The following GPR137C variants were observed in gnomAD, a reference collection of about 807,000 sequenced individuals.
GPR137C encodes G protein-coupled receptor 137C.
Under a neutral mutation model 43.4 loss-of-function variants are expected in GPR137C, and 27 were observed. That is an observed-to-expected ratio of 0.62 (90% CI 0.46 to 0.86). GPR137C has a LOEUF of 0.86. Ranked by LOEUF, GPR137C falls within the 40% of genes least tolerant of loss-of-function variation. GPR137C has a pLI of 0.00. For missense variants in GPR137C, 522 were observed against 534.6 expected (o/e 0.98, Z 0.23); for synonymous variants, 285 against 226.9 (o/e 1.26, Z -2.30).
chr14:52,569,036 G>T (rs1357628400), intron 1 of GPR137C, among the ~76,000 whole-genome samples: 1 of 152,108 alleles, frequency 6.6e-6, no homozygotes, highest in Non-Finnish European at 1.5e-5. Context: ...GACACCTTAT[G>T]CAACAGGAGA....
chr14:52,571,006 A>G (rs1032487708), intron 1 of GPR137C, among the ~76,000 whole-genome samples: 1 of 152,184 alleles, frequency 6.6e-6, no homozygotes, highest in Admixed American at 6.5e-5. Context: ...ACAGCTACAG[A>G]ATTCTCCACC....
At chr14:52,565,946 T>C (rs760586392) in intron 1 of GPR137C, among the ~76,000 whole-genome samples, 9 of 152,166 alleles carry the variant, frequency 5.9e-5, no homozygotes, top group Non-Finnish European at 1.2e-4. Flanking sequence ...AAGTGGTTAG[T>C]CTCAGTGATA....
chr14:52,628,289 A>T lies in GPR137C; in HGVS notation c.718-3871A>T, dbSNP rs951424378. ...TTTTTAAACTAGTGGTGCTGAAGCA[A>T]CTCGATATCCATATGGAATAAAATG... On this transcript the variant is annotated intron_variant, in intron 3 of 6. Transcript: ENST00000321662. Among the ~76,000 whole-genome samples, 8 of 152,186 alleles carry T rather than the reference A, an allele frequency of 5.3e-5. No individual in the cohort carries two copies. The East Asian group carries it at 1.5e-3, about 29-fold the overall frequency.
At chr14:52,612,345 A>G (rs2039047526) in intron 3 of GPR137C, 2 of 908,986 alleles carry the variant, frequency 2.2e-6, no homozygotes, top group Non-Finnish European at 2.6e-6. Flanking sequence ...ATAACATTTC[A>G]TCATATACCA....
intron 1 of GPR137C, chr14:52,596,777 C>A (rs1322842972): frequency 5.3e-6 from 2 of 375,704 alleles, no homozygotes; most frequent in Non-Finnish European, 1.1e-5. Context: ...CCTTGTGCTT[C>A]CCAGGTGAGG....
chr14:52,559,575 C>T (rs1247752687), intron 1 of GPR137C, among the ~76,000 whole-genome samples: 3 of 151,920 alleles, frequency 2.0e-5, no homozygotes, highest in African/African-American at 4.8e-5. Flanking sequence ...TAAAAAGCAT[C>T]TTCAAAAAGC....
intron 1 of GPR137C, among the ~76,000 whole-genome samples, chr14:52,575,599 G>C (rs540504001): frequency 2.6e-5 from 4 of 152,216 alleles, no homozygotes; most frequent in African/African-American, 9.6e-5. Flanking sequence ...TAGTTGCTGT[G>C]ACATATAGGT....
At chr14:52,580,707 G>C (rs2038630851) in intron 1 of GPR137C, among the ~76,000 whole-genome samples, 1 of 151,194 alleles carries the variant, frequency 6.6e-6, no homozygotes, top group Non-Finnish European at 1.5e-5. Flanking sequence ...GACCCTAAGA[G>C]AGATGCAAGA....
chr14:52,569,936 C>T (rs2139456534), intron 1 of GPR137C, among the ~76,000 whole-genome samples: 1 of 152,084 alleles, frequency 6.6e-6, no homozygotes, highest in South Asian at 2.1e-4. Flanking sequence ...GGATATTATC[C>T]ACGAGAACGT....
chr14:52,600,089 T>C (rs1178773552), intron 2 of GPR137C, 24 bp from the exon 3 acceptor site: 1 of 1,440,518 alleles, frequency 6.9e-7, no homozygotes, highest in Non-Finnish European at 9.8e-7. Context: ...TATATAACCA[T>C]CTAATATACT....
At chr14:52,628,087 A>T (rs2039250204) in intron 3 of GPR137C, among the ~76,000 whole-genome samples, 1 of 152,230 alleles carries the variant, frequency 6.6e-6, no homozygotes, top group African/African-American at 2.4e-5. Flanking sequence ...AATGAAAGGG[A>T]TTCATACTAC....
Position 52,629,318 on chromosome 14 carries a change from G to T in GPR137C, c.718-2842G>T, listed in dbSNP as rs191201232. 2.0e-5 allele frequency among the ~76,000 whole-genome samples: 3 copies of T among 152,262 alleles called. No homozygotes were observed. The East Asian group carries it at 5.8e-4, about 29-fold the overall frequency. The stretch of plus-strand genomic sequence containing the variant: ...CATATCCACAAAACTATTTGTACAA[G>T]AATATTCAAAGACTCTATCTAACTG... On this transcript the variant is annotated intron_variant, in intron 3 of 6. Transcript: ENST00000321662.
chr14:52,617,195 AC>A, intron 3 of GPR137C, among the ~76,000 whole-genome samples: 1 of 152,146 alleles, frequency 6.6e-6, no homozygotes, highest in Non-Finnish European at 1.5e-5. Context: ...ATTCCCTCAC[AC>A]ACACACACAT....
intron 3 of GPR137C, chr14:52,612,917 G>C (rs868139717): frequency 6.6e-6 from 1 of 151,316 alleles, no homozygotes; most frequent in South Asian, 2.1e-4. Context: ...AATTTTTGTG[G>C]GTGATTATAA....
intron 3 of GPR137C, among the ~76,000 whole-genome samples, chr14:52,617,495 A>T (rs1315453303): frequency 6.6e-6 from 1 of 152,068 alleles, no homozygotes; most frequent in African/African-American, 2.4e-5. Flanking sequence ...CCTAGCCAAC[A>T]TGGTGAAACC....
At chr14:52,555,793 T>C (rs1208877345) in intron 1 of GPR137C, among the ~76,000 whole-genome samples, 2 of 152,188 alleles carry the variant, frequency 1.3e-5, no homozygotes, top group African/African-American at 4.8e-5. Flanking sequence ...CTTTTTATAA[T>C]GAAATTAACA....
At chr14:52,634,793 A>G (rs2039333458) in intron 6 of GPR137C, 145 bp from the exon 7 acceptor site, 1 of 678,938 alleles carries the variant, frequency 1.5e-6, no homozygotes, top group Non-Finnish European at 2.5e-6. Context: ...GTAGAAAAGC[A>G]TTTTGTTATT....
chr14:52,565,011 A>G (rs2038345326), intron 1 of GPR137C, among the ~76,000 whole-genome samples: 1 of 152,178 alleles, frequency 6.6e-6, no homozygotes, highest in South Asian at 2.1e-4. Flanking sequence ...AACCTCGGAG[A>G]GAGAATAGGG....
In GPR137C at chr14:52,637,067, T is replaced by G. The variant is rs551851991; in HGVS notation, c.*1952T>G. ...GACCAAACTAACAAAGATTACTTTT[T>G]AAAAATTTTTCAGATAAAATAACTT... On this transcript the variant is annotated 3_prime_UTR_variant, in exon 7 of 7. Transcript: ENST00000321662. 3 of 152,180 alleles carry G rather than the reference T, an allele frequency of 2.0e-5. No individual in the cohort carries two copies. Among genetic ancestry groups the G allele is most frequent in the Non-Finnish European group, 2.9e-5 (2 of 67,998 alleles). The allele number at this position is 152,180 out of a possible 1,614,324, so 9.4% of individuals were successfully genotyped here.
Sources: gnomAD v4.1 joint callset for allele counts (sites outside exome capture counted in the v4.1 genomes callset) on GRCh38, gnomAD v4.1.1 for gene constraint, MANE v1.5 for transcripts, NCBI Gene and HGNC (gene_info 2026-07-23, HGNC 2026-07-21) for gene names.